Variants in FRMPD4 observed in about 807,000 individuals in gnomAD.
FRMPD4 encodes the protein FERM and PDZ domain containing 4.
Under a neutral mutation model 94.1 loss-of-function variants are expected in FRMPD4, and 22 were observed. That is an observed-to-expected ratio of 0.23 (90% CI 0.17 to 0.33). The LOEUF (loss-of-function observed/expected upper bound fraction) is 0.33. Ranked by LOEUF, FRMPD4 falls within the 10% of genes least tolerant of loss-of-function variation. The pLI is 1.00. For missense variants in FRMPD4, 1,111 were observed against 1,339.9 expected, an observed-to-expected ratio of 0.83 and a Z score of 2.67; for synonymous variants, 631 against 548.6, an observed-to-expected ratio of 1.15 and a Z score of -2.10.
chrX:12,699,906 C>A (rs2060171729), intron 9 of FRMPD4, among the ~76,000 whole-genome samples: 1 of 112,024 alleles, frequency 8.9e-6, no homozygotes, highest in Non-Finnish European at 1.9e-5. Flanking sequence ...AATGAAGAAA[C>A]CTAGCAAGGC....
At chrX:12,692,841 C>G (rs1325464093) in intron 8 of FRMPD4, among the ~76,000 whole-genome samples, 2 of 112,416 alleles carry the variant, frequency 1.8e-5, no homozygotes, top group African/African-American at 6.5e-5. Context: ...GGCAAAATAG[C>G]TCATGAAGTC....
At chrX:12,098,233 C>A (rs1186460225) in intron 3 of FRMPD4, among the ~76,000 whole-genome samples, 15 of 102,307 alleles carry the variant, frequency 1.5e-4, no homozygotes, top group Non-Finnish European at 2.4e-4. Flanking sequence ...ATTGCAAATT[C>A]TAGGATCATT....
intron 2 of FRMPD4, among the ~76,000 whole-genome samples, chrX:12,517,757 G>T (rs113133546): frequency 1.8e-5 from 2 of 112,588 alleles, no homozygotes; most frequent in African/African-American, 6.5e-5. Flanking sequence ...GCACTGGGGG[G>T]ATTCACACTA....
In FRMPD4 at chrX:11,831,886, G is replaced by C. The variant is rs774687042; in HGVS notation, c.-161+9171G>C. On this transcript the variant is annotated intron_variant, in intron 1 of 18. Transcript: ENST00000640291. Reference sequence around the variant, plus strand: ...AAACAAGGCCATGAACTCCTTAAAAGATAGATCTTTCTGTCTGCAAACAGT... The same window carrying C: ...AAACAAGGCCATGAACTCCTTAAAACATAGATCTTTCTGTCTGCAAACAGT... Among the ~76,000 whole-genome samples, 8 of 112,443 alleles carry C rather than the reference G, an allele frequency of 7.1e-5. No homozygotes were observed. The South Asian group carries it at 2.2e-3, about 31-fold the overall frequency.
intron 3 of FRMPD4, among the ~76,000 whole-genome samples, chrX:11,984,750 G>T (rs1358122414): frequency 8.9e-6 from 1 of 112,135 alleles, no homozygotes; most frequent in Non-Finnish European, 1.9e-5. Flanking sequence ...GAAAGTGAAA[G>T]GACAACCTAC....
chrX:12,397,144 T>C (rs2056552316), intron 1 of FRMPD4, among the ~76,000 whole-genome samples: 1 of 110,797 alleles, frequency 9.0e-6, no homozygotes, highest in South Asian at 3.8e-4. Flanking sequence ...AAACGCATCA[T>C]CCTAAAGAAG....
At chrX:12,667,770 T>G (rs1051833895) in intron 4 of FRMPD4, among the ~76,000 whole-genome samples, 1 of 111,988 alleles carries the variant, frequency 8.9e-6, no homozygotes, top group Non-Finnish European at 1.9e-5. Context: ...CAAGGGACTC[T>G]GCATCAAAAA....
At chrX:12,695,222 G>A (rs2147126284) in intron 9 of FRMPD4, among the ~76,000 whole-genome samples, 1 of 111,483 alleles carries the variant, frequency 9.0e-6, no homozygotes, top group South Asian at 3.8e-4. Flanking sequence ...CAACGCGAGT[G>A]ACTTTGTGTC....
intron 1 of FRMPD4, among the ~76,000 whole-genome samples, chrX:12,154,331 A>C (rs141771238): frequency 0.023 from 2,542 of 112,625 alleles, 68 homozygotes; most frequent in African/African-American, 0.078. Flanking sequence ...CACAAAGGAG[A>C]TGTAATAGCC....
intron 5 of FRMPD4, among the ~76,000 whole-genome samples, chrX:12,675,287 T>G (rs1287317904): frequency 9.0e-6 from 1 of 111,466 alleles, no homozygotes; most frequent in African/African-American, 3.3e-5. Context: ...CCCCATCTAT[T>G]TGGCAGAGAA....
At chrX:11,854,247 C>T (rs1023333826) in intron 1 of FRMPD4, among the ~76,000 whole-genome samples, 3 of 111,124 alleles carry the variant, frequency 2.7e-5, no homozygotes, top group African/African-American at 9.8e-5. Flanking sequence ...TCTACCTGGT[C>T]CCTCCCTCAA....
At chrX:12,130,315 G>A (rs1216951846) in intron 3 of FRMPD4, among the ~76,000 whole-genome samples, 13 of 111,595 alleles carry the variant, frequency 1.2e-4, no homozygotes, top group African/African-American at 3.9e-4. Flanking sequence ...ATTACCTCAT[G>A]GTTGCAAGAT....
chrX:12,559,302 C>A (rs182404609), intron 2 of FRMPD4, among the ~76,000 whole-genome samples: 1,583 of 111,569 alleles, frequency 0.014, 24 homozygotes, highest in African/African-American at 0.049. Flanking sequence ...GGGGAAGTGA[C>A]AAAAGATTTT....
intron 2 of FRMPD4, among the ~76,000 whole-genome samples, chrX:12,547,397 A>T (rs1311829315): frequency 4.5e-5 from 5 of 112,197 alleles, no homozygotes; most frequent in Admixed American, 9.5e-5. Flanking sequence ...AAAAGCTAAG[A>T]ATGGTTTTAC....
At chrX:12,003,225 T>C (rs2054533374) in intron 3 of FRMPD4, among the ~76,000 whole-genome samples, 1 of 111,989 alleles carries the variant, frequency 8.9e-6, no homozygotes, top group Non-Finnish European at 1.9e-5. Flanking sequence ...AAATGTTAGC[T>C]CTGCAAGTTG....
intron 3 of FRMPD4, among the ~76,000 whole-genome samples, chrX:12,082,885 T>C (rs968297201): frequency 9.8e-5 from 11 of 111,953 alleles, no homozygotes; most frequent in African/African-American, 3.6e-4. Flanking sequence ...GCAGAAGAAA[T>C]TTATAAGCAG....
In FRMPD4 at chrX:12,673,982, A is replaced by C. The variant is rs534569821; in HGVS notation, c.423-881A>C. On this transcript the variant is annotated intron_variant, in intron 4 of 16. Coordinates refer to ENST00000675598, the MANE Select transcript of FRMPD4 (RefSeq NM_001368397.1). ...TTCCCCTTACTTATGTGGGCAATAA[A>C]TCAGAAAAGCAGGTAATTAATTACA... Among the ~76,000 whole-genome samples, 4 of 112,138 alleles carry C rather than the reference A, an allele frequency of 3.6e-5. No homozygotes were observed. In the South Asian group the frequency reaches 1.5e-3, roughly 42 times the overall value.
intron 2 of FRMPD4, among the ~76,000 whole-genome samples, chrX:12,552,473 A>G (rs974668889): frequency 1.8e-5 from 2 of 111,655 alleles, no homozygotes; most frequent in Non-Finnish European, 3.8e-5. Flanking sequence ...CTCAACACCA[A>G]TAACAACAAT....
intron 1 of FRMPD4, among the ~76,000 whole-genome samples, chrX:12,250,910 AG>A (rs1414654431): frequency 9.0e-6 from 1 of 111,531 alleles, no homozygotes; most frequent in Non-Finnish European, 1.9e-5. Context: ...GATTCCAGCC[AG>A]GCTCAGGGCC....
Sources: gnomAD v4.1 joint callset for allele counts (sites outside exome capture counted in the v4.1 genomes callset) on GRCh38, gnomAD v4.1.1 for gene constraint, MANE v1.5 for transcripts, NCBI Gene and HGNC (gene_info 2026-07-23, HGNC 2026-07-21) for gene names.